The following WASF3 variants were observed in gnomAD, a reference collection of about 807,000 sequenced individuals.
WASF3 encodes WASP family member 3, also known as actin-binding protein WASF3.
In WASF3, 11 loss-of-function variants were observed where a neutral mutation model predicts 46.6. The observed-to-expected ratio is 0.24, with a 90% confidence interval of 0.15 to 0.39. The LOEUF (loss-of-function observed/expected upper bound fraction) is 0.39. Ranked by LOEUF, WASF3 falls within the 10% of genes least tolerant of loss-of-function variation. The pLI is 1.00. For missense variants in WASF3, 576 were observed against 669.8 expected (o/e 0.86, Z 1.55); for synonymous variants, 242 against 259.7 (o/e 0.93, Z 0.65).
At chr13:26,668,701 C>T (rs1882842772) in intron 5 of WASF3, among the ~76,000 whole-genome samples, 1 of 152,244 alleles carries the variant, frequency 6.6e-6, no homozygotes, top group African/African-American at 2.4e-5. Flanking sequence ...GTTCAAACTA[C>T]ACCACTTTCT....
At chr13:26,642,000 C>G (rs1882012638) in intron 2 of WASF3, 1 of 199,412 alleles carries the variant, frequency 5.0e-6, no homozygotes, top group African/African-American at 2.3e-5. Flanking sequence ...CCTCTCTCTC[C>G]TCATTTCAGT....
At chr13:26,647,171 A>G (rs750905694) in intron 3 of WASF3, among the ~76,000 whole-genome samples, 41 of 152,032 alleles carry the variant, frequency 2.7e-4, no homozygotes, top group Admixed American at 2.6e-3. Flanking sequence ...ATAGAAATGA[A>G]AGAGAGGAAA....
rs576997817 is a variant in WASF3, at chr13:26,677,064, C to T, written c.716+340C>T. Among the ~76,000 whole-genome samples, 6 of 152,264 alleles carry T rather than the reference C, an allele frequency of 3.9e-5. No homozygotes were observed. The South Asian group carries it at 1.2e-3, about 32-fold the overall frequency. Reference sequence around the variant, plus strand: ...ATAATCATTTAATTCTTTCTCTTAGCATGGAATGTTGAATTTCCTTTGCCA... The same window carrying T: ...ATAATCATTTAATTCTTTCTCTTAGTATGGAATGTTGAATTTCCTTTGCCA... On this transcript the variant is annotated intron_variant, in intron 7 of 9. Coordinates refer to ENST00000335327, the MANE Select transcript of WASF3 (RefSeq NM_006646.6).
At chr13:26,620,783 A>T (rs1417814582) in intron 2 of WASF3, 3 of 152,236 alleles carry the variant, frequency 2.0e-5, no homozygotes, top group Non-Finnish European at 4.4e-5. Flanking sequence ...TTTCAGTTAG[A>T]ACCATATTAG....
intron 1 of WASF3, among the ~76,000 whole-genome samples, chr13:26,578,116 C>G (rs1879856674): frequency 6.6e-6 from 1 of 152,150 alleles, no homozygotes; most frequent in African/African-American, 2.4e-5. Flanking sequence ...CTCCTTTCCC[C>G]CCTTCTTTTC....
rs1481838108 is a variant in WASF3, at chr13:26,682,587, G to A, written c.984-20G>A. On this transcript the variant is annotated intron_variant, in intron 8 of 9. Coordinates refer to ENST00000335327, the MANE Select transcript of WASF3 (RefSeq NM_006646.6). This position sits in a 1 kb window ranked among gnomAD's most constrained non-coding sequence, Gnocchi z 4.4. Reference sequence around the variant, plus strand: ...CCTCTCTTGTTCCCTTGGTGACTATGTGCCTCATATCTCTCTCAGGATGCT... The same window carrying A: ...CCTCTCTTGTTCCCTTGGTGACTATATGCCTCATATCTCTCTCAGGATGCT... 1.2e-6 allele frequency: 2 copies of A among 1,613,902 alleles called. No individual in the cohort carries two copies. Among genetic ancestry groups the A allele is most frequent in the Non-Finnish European group, 1.7e-6 (2 of 1,179,960 alleles).
chr13:26,577,055 T>G (rs1879820091), intron 1 of WASF3: 1 of 735,136 alleles, frequency 1.4e-6, no homozygotes, highest in Non-Finnish European at 2.4e-6. Context: ...GGAAACAAAA[T>G]TGCATCTGAT....
chr13:26,631,836 C>T (rs1881660752), intron 2 of WASF3, among the ~76,000 whole-genome samples: 1 of 152,188 alleles, frequency 6.6e-6, no homozygotes, highest in Admixed American at 6.5e-5. Context: ...TTTGTGTCCT[C>T]TTTCATTTTG....
At position 26,676,668 on chromosome 13, in the gene WASF3, G is replaced by T. The variant is rs139779405; in HGVS notation, c.660G>T (p.Leu220Phe). ...AAGAGCTTAGACCCGACAACAGGTT[G>T]TCTCAGAGTGTGTACCATGGAGCGT... ...YDKELRPDNR[L>F]SQSVYHGASS... The change falls in exon 7 of 10, where the codon TTG becomes TTT. Residue 220 changes from leucine to phenylalanine, a missense_variant. Physicochemically the swap from Leu to Phe is conservative, Grantham distance 22 (BLOSUM62 0). Transcript: ENST00000335327. 9.5e-4 allele frequency: 1,537 copies of T among 1,614,186 alleles called. 1 individual carries two copies. Among genetic ancestry groups the T allele is most frequent in the Non-Finnish European group, 1.2e-3 (1,445 of 1,180,040 alleles).
intron 4 of WASF3, among the ~76,000 whole-genome samples, chr13:26,665,669 G>C (rs1051269439): frequency 6.6e-6 from 1 of 152,090 alleles, no homozygotes; most frequent in South Asian, 2.1e-4. Flanking sequence ...TAGGCTGCAG[G>C]CTTTAAAATA....
chr13:26,680,115 G>C (rs1213520301), intron 7 of WASF3: 2 of 1,598,280 alleles, frequency 1.3e-6, no homozygotes, highest in South Asian at 1.1e-5. Flanking sequence ...AAGAGTGGGA[G>C]AGAAGGAAAA....
At position 26,652,836 on chromosome 13, in the gene WASF3, T is replaced by G. The variant is rs56242422; in HGVS notation, c.133+10433T>G. Among the ~76,000 whole-genome samples, 568 of 152,268 alleles carry G rather than the reference T, an allele frequency of 3.7e-3. 1 individual carries two copies. The highest frequency in any genetic ancestry group is 0.014 in the Middle Eastern group (4 of 294). ...TGTGGGATTTTGTTAAAGAAGTGTA[T>G]AGAGAAAAATTTGTAGCTTTAAATG... On this transcript the variant is annotated intron_variant, in intron 3 of 9. Coordinates refer to ENST00000335327, the MANE Select transcript of WASF3 (RefSeq NM_006646.6).
chr13:26,555,172 T>G (rs536282663), upstream of WASF3, among the ~76,000 whole-genome samples: 1 of 152,330 alleles, frequency 6.6e-6, no homozygotes, highest in Admixed American at 6.5e-5. Flanking sequence ...TTGAGCATGT[T>G]TATTTGCCAT....
At chr13:26,609,527 G>A (rs1178571590) in intron 1 of WASF3, 3 of 148,568 alleles carry the variant, frequency 2.0e-5, no homozygotes, top group Non-Finnish European at 4.4e-5. Flanking sequence ...TTGACTTGTG[G>A]TCTGTGATTA....
At chr13:26,549,827 T>A in the WASF3 span, among the ~76,000 whole-genome samples, 2 of 152,204 alleles carry the variant, frequency 1.3e-5, no homozygotes, top group Non-Finnish European at 2.9e-5. Flanking sequence ...CAGTGCCTGA[T>A]GGTTGAGGAG....
intron 7 of WASF3, chr13:26,680,342 C>CGG (rs1883189325): frequency 6.9e-6 from 7 of 1,008,074 alleles, no homozygotes; most frequent in Non-Finnish European, 9.6e-6. Flanking sequence ...ACGCCCACGG[C>CGG]ACTGCCGGGC....
chr13:26,541,644 AC>A, the WASF3 span, among the ~76,000 whole-genome samples: 1 of 93,948 alleles, frequency 1.1e-5, no homozygotes, highest in East Asian at 2.7e-4. Flanking sequence ...CCGGAAGCCC[AC>A]TTTTTTTTTT....
intron 1 of WASF3, among the ~76,000 whole-genome samples, chr13:26,570,152 G>A (rs370545906): frequency 3.9e-4 from 60 of 152,218 alleles, no homozygotes; most frequent in Middle Eastern, 3.4e-3. Context: ...GCCGGGTGTC[G>A]TGGCAGGCGC....
chr13:26,557,463 C>G (rs950035309), upstream of WASF3, among the ~76,000 whole-genome samples: 3 of 152,142 alleles, frequency 2.0e-5, no homozygotes, highest in African/African-American at 4.8e-5. Flanking sequence ...AGCCTCATCC[C>G]GAGCTGGGGG....
Sources: gnomAD v4.1 joint callset for allele counts (sites outside exome capture counted in the v4.1 genomes callset) on GRCh38, gnomAD v4.1.1 for gene constraint, Gnocchi (gnomAD v3.1) non-coding constraint, MANE v1.5 for transcripts, NCBI Gene and HGNC (gene_info 2026-07-23, HGNC 2026-07-21) for gene names.